Variants in SNX24 observed in about 807,000 individuals in gnomAD.
SNX24 encodes sorting nexin 24, also known as sorting nexin-24.
Under a neutral mutation model 28.7 loss-of-function variants are expected in SNX24, and 22 were observed. The observed-to-expected ratio is 0.77, with a 90% CI of 0.55 to 1.10. The LOEUF (loss-of-function observed/expected upper bound fraction) is 1.10. Ranked by LOEUF, SNX24 falls within the 50% of genes least tolerant of loss-of-function variation. The probability of loss-of-function intolerance (pLI) is 0.00; values close to 1 mark genes in which losing one functional copy is unlikely to be tolerated. For synonymous variants in SNX24, 69 were observed against 71.5 expected, an observed-to-expected ratio of 0.96 and a Z score of 0.18; for missense variants, 221 against 201.1, an observed-to-expected ratio of 1.10 and a Z score of -0.60.
rs75900686 is a variant in SNX24, at chr5:122,915,865, T to C, written c.61-20869T>C. ...ATCTGTTTCTTTTGTTAAACTGACC[T>C]TTCCTCTTTGTTTTGTCCTCATATC... On this transcript the variant is annotated intron_variant, in intron 1 of 6. Coordinates refer to ENST00000261369, the MANE Select transcript of SNX24 (RefSeq NM_014035.4). Among the ~76,000 whole-genome samples the C allele has an allele frequency of 8.3e-3, 1,262 of 152,312 alleles. 10 individuals are homozygous for C. The highest frequency in any genetic ancestry group is 0.058 in the East Asian group (301 of 5,174).
At chr5:122,965,308 T>G (rs1760672970) in intron 3 of SNX24, 1 of 349,306 alleles carries the variant, frequency 2.9e-6, no homozygotes, top group South Asian at 2.3e-5. Context: ...CAGCCTGGAG[T>G]GCATTCATTT....
intron 3 of SNX24, among the ~76,000 whole-genome samples, chr5:122,971,772 C>T (rs750741587): frequency 1.4e-4 from 22 of 152,320 alleles, no homozygotes; most frequent in Non-Finnish European, 2.9e-4. Context: ...AGTCCTCATT[C>T]ATGCAACTGG....
At chr5:123,026,098 A>G (rs1300726397) in intron 5 of SNX24, 1 of 752,136 alleles carries the variant, frequency 1.3e-6, no homozygotes, top group African/African-American at 1.8e-5. Context: ...GACATGTTCA[A>G]ACATAAGCAG....
chr5:122,965,493 T>A (rs1339285135), intron 3 of SNX24: 1 of 455,150 alleles, frequency 2.2e-6, no homozygotes, highest in Admixed American at 2.3e-5. Flanking sequence ...TTGATTTGGC[T>A]TATTTGGAGA....
chr5:122,968,737 A>G (rs560686092), intron 3 of SNX24, among the ~76,000 whole-genome samples: 12 of 152,222 alleles, frequency 7.9e-5, no homozygotes, highest in Admixed American at 4.6e-4. Flanking sequence ...ATCTATTCAC[A>G]GTACTCACAA....
chr5:122,862,442 C>T (rs544949035), intron 1 of SNX24, among the ~76,000 whole-genome samples: 48 of 151,762 alleles, frequency 3.2e-4, no homozygotes, highest in Middle Eastern at 3.4e-3. Flanking sequence ...GGTGAAACCC[C>T]GTCTCTCCGA....
intron 3 of SNX24, among the ~76,000 whole-genome samples, chr5:122,999,080 CTT>C (rs910282477): frequency 5.9e-5 from 9 of 152,032 alleles, no homozygotes; most frequent in Non-Finnish European, 1.3e-4. Flanking sequence ...AGGTGGCAAA[CTT>C]ATATTCAGTT....
At chr5:122,935,972 C>T (rs892657716) in intron 1 of SNX24, among the ~76,000 whole-genome samples, 2 of 152,178 alleles carry the variant, frequency 1.3e-5, no homozygotes, top group Admixed American at 1.3e-4. Context: ...CTAACCATCC[C>T]TCCCCATCCG....
intron 3 of SNX24, among the ~76,000 whole-genome samples, chr5:122,988,409 T>C (rs1761695039): frequency 1.3e-5 from 2 of 152,330 alleles, no homozygotes; most frequent in South Asian, 4.1e-4. Context: ...AACTTCAAGA[T>C]AGGAAACGTT....
chr5:122,898,748 A>G (rs967019684), intron 1 of SNX24, among the ~76,000 whole-genome samples: 11 of 152,236 alleles, frequency 7.2e-5, no homozygotes, highest in African/African-American at 2.7e-4. Flanking sequence ...TTCTACCCAG[A>G]GTTTCTATGT....
chr5:123,002,344 T>A (rs1355520633), intron 6 of SNX24, among the ~76,000 whole-genome samples: 1 of 152,178 alleles, frequency 6.6e-6, no homozygotes, highest in Non-Finnish European at 1.5e-5. Context: ...TAGTCCTTTT[T>A]AAAAATGCCT....
intron 3 of SNX24, among the ~76,000 whole-genome samples, chr5:122,972,755 A>G (rs1488153152): frequency 6.6e-6 from 1 of 152,194 alleles, no homozygotes; most frequent in Non-Finnish European, 1.5e-5. Flanking sequence ...TCTGGTAAGG[A>G]CAAACCTCTG....
intron 1 of SNX24, chr5:122,853,821 T>C (rs1187644308): frequency 1.4e-5 from 3 of 221,424 alleles, no homozygotes; most frequent in Non-Finnish European, 2.9e-5. Flanking sequence ...TAAGTTATTT[T>C]GTTCTTCAGC....
chr5:122,934,894 A>ATT (rs1561620646), intron 1 of SNX24, among the ~76,000 whole-genome samples: 1 of 152,024 alleles, frequency 6.6e-6, no homozygotes, highest in Non-Finnish European at 1.5e-5. Flanking sequence ...GTGCTTGTGA[A>ATT]GAGTAACTGT....
chr5:122,966,000 G>A (rs1330027614), intron 3 of SNX24, among the ~76,000 whole-genome samples: 1 of 152,168 alleles, frequency 6.6e-6, no homozygotes, highest in Non-Finnish European at 1.5e-5. Flanking sequence ...CATGGTAACT[G>A]TGTCATTTGT....
intron 1 of SNX24, among the ~76,000 whole-genome samples, chr5:122,898,430 T>C (rs1249870958): frequency 1.3e-5 from 2 of 152,230 alleles, no homozygotes; most frequent in African/African-American, 2.4e-5. Flanking sequence ...GTAAAAACCC[T>C]TTCCCAGATC....
chr5:122,892,382 A>G (rs536262545), intron 1 of SNX24, among the ~76,000 whole-genome samples: 72 of 152,268 alleles, frequency 4.7e-4, no homozygotes, highest in African/African-American at 1.7e-3. Flanking sequence ...TATTACATTG[A>G]TAGTTGCAAA....
At chr5:123,022,372 C>G (rs1762773601) in intron 5 of SNX24, 1 of 152,098 alleles carries the variant, frequency 6.6e-6, no homozygotes, top group South Asian at 2.1e-4. Context: ...GCACTGTTTT[C>G]TAACAGACAA....
intron 1 of SNX24, among the ~76,000 whole-genome samples, chr5:122,885,933 T>C (rs1466062636): frequency 4.6e-5 from 7 of 152,070 alleles, no homozygotes; most frequent in African/African-American, 1.2e-4. Context: ...GCATGCACAG[T>C]TCACAGTAGG....
Sources: allele counts gnomAD v4.1 joint callset (sites outside exome capture counted in the v4.1 genomes callset), GRCh38; gene constraint gnomAD v4.1.1; transcripts MANE v1.5; gene names NCBI Gene and HGNC (gene_info 2026-07-23, HGNC 2026-07-21).